The following ERCC1 variants were observed in gnomAD, a reference collection of about 807,000 sequenced individuals.
The protein encoded by ERCC1 is DNA excision repair protein ERCC-1.
In ERCC1, 36 loss-of-function variants were observed where a neutral mutation model predicts 37.6. The ratio of observed to expected loss-of-function variants is 0.96; its 90% CI spans 0.73 to 1.26. ERCC1 has a LOEUF of 1.26. Ranked by LOEUF, ERCC1 falls within the 50% of genes most tolerant of loss-of-function variation. The pLI, the probability that ERCC1 is intolerant of heterozygous loss-of-function variation, is 0.00. For missense variants in ERCC1, 349 were observed against 376.5 expected (o/e 0.93, Z 0.60); for synonymous variants, 156 against 162.1 (o/e 0.96, Z 0.28).
At chr19:45,434,510 T>G (rs1400252939) in intron 1 of ERCC1, among the ~76,000 whole-genome samples, 3 of 151,928 alleles carry the variant, frequency 2.0e-5, no homozygotes, top group Non-Finnish European at 4.4e-5. Context: ...GAAAAGAGAA[T>G]CTATCTGGCA....
rs1973960447 is a variant in ERCC1, at chr19:45,414,925, T to C, written c.638A>G (p.Lys213Arg). 6.2e-7 allele frequency: 1 copy of C among 1,613,726 alleles called. No individual in the cohort carries two copies. Among genetic ancestry groups the C allele is most frequent in the African/African-American group, 1.3e-5 (1 of 74,870 alleles). The stretch of plus-strand genomic sequence containing the variant: ...GTCCGCTGGTTTCTGCTCATAGGCC[T>C]TGTAGGTCTCCAGGTACCGCCCAGC... ...EEAGRYLETYKAYEQKPADLL... is the reference protein window; with the variant it reads ...EEAGRYLETYRAYEQKPADLL... The change falls in exon 7 of 10, where the codon AAG (lysine) becomes AGG (arginine). Residue 213 changes from lysine (K) to arginine (R), a missense_variant. Transcript: ENST00000300853.
intron 1 of ERCC1, among the ~76,000 whole-genome samples, chr19:45,429,447 C>T (rs1288105830): frequency 6.6e-6 from 1 of 151,434 alleles, no homozygotes; most frequent in Non-Finnish European, 1.5e-5. Context: ...GCAAAAACAG[C>T]GAAACTCCAT....
chr19:45,407,520 G>C lies in ERCC1; in HGVS notation c.*2155C>G. The C allele has an allele frequency of 2.6e-6, 1 of 391,912 alleles. No individual in the cohort carries two copies. Among genetic ancestry groups the C allele is most frequent in the Non-Finnish European group, 4.5e-6 (1 of 221,300 alleles). 24.3% of individuals were successfully genotyped at this position (391,912 alleles called of 1,614,324 possible). On this transcript the variant is annotated 3_prime_UTR_variant, in exon 10 of 10. Coordinates refer to ENST00000300853, the MANE Select transcript of ERCC1 (RefSeq NM_001983.4). ...GGTAGGGGCTATTGGTGTTATCCAC[G>C]ACCATTAATCCTGCAACCTAAGCTT... is the stretch of plus-strand genomic sequence containing the variant.
At position 45,432,283 on chromosome 19, in the gene ERCC1, TTTATTATTATTA is replaced by T. The variant is rs35170597; in HGVS notation, c.-7-8914_-7-8903del. ...CCACGCCTGGCCAACACAAAATTAATTTATTATTATTATTATTATTATTATTATTATTAGTTA... is the reference window on the plus strand; with the variant it reads ...CCACGCCTGGCCAACACAAAATTAATTTATTATTATTATTATTATTAGTTA... On this transcript the variant is annotated intron_variant, in intron 1 of 8. Transcript: ENST00000423698. 3.6e-3 allele frequency among the ~76,000 whole-genome samples: 527 copies of T among 145,974 alleles called. 5 individuals are homozygous for T. Among genetic ancestry groups the T allele is most frequent in the African/African-American group, 0.013 (502 of 39,832 alleles).
chr19:45,422,823 C>T (rs1050026437), intron 2 of ERCC1, among the ~76,000 whole-genome samples: 2 of 152,134 alleles, frequency 1.3e-5, no homozygotes, highest in African/African-American at 4.8e-5. Flanking sequence ...GCCCTACATC[C>T]TTAGCCCACT....
At position 45,420,383 on chromosome 19, in the gene ERCC1, T is replaced by A; in HGVS notation, c.366A>T (p.Glu122Asp). Residue 122 changes from glutamate to aspartate, a missense_variant, in exon 4 of 10, where the codon GAA (glutamate) becomes GAT (aspartate). Transcript: ENST00000300853. This position sits in a 1 kb window ranked among gnomAD's most constrained non-coding sequence, Gnocchi z 4.8. ...VLKFVRNVPW[E>D]FGDVIPDYVL... is the part of the protein sequence containing the mutation. ...CATAGTCGGGAATTACGTCGCCAAA[T>A]TCCCAGGGCACATTGCGCACGAACT... 5 of 1,613,738 alleles carry A rather than the reference T, an allele frequency of 3.1e-6. No individual in the cohort carries two copies. Among genetic ancestry groups the A allele is most frequent in the Non-Finnish European group, 4.2e-6 (5 of 1,179,832 alleles).
upstream of ERCC1, among the ~76,000 whole-genome samples, chr19:45,426,015 G>A (rs1196416292): frequency 5.3e-5 from 8 of 151,390 alleles, no homozygotes; most frequent in African/African-American, 1.2e-4. Flanking sequence ...AGGCCTAGGC[G>A]GGTGGATCAC....
chr19:45,434,760 A>T (rs1194771030), intron 1 of ERCC1, among the ~76,000 whole-genome samples: 1 of 147,888 alleles, frequency 6.8e-6, no homozygotes, highest in Non-Finnish European at 1.5e-5. Context: ...CTTTTTTAAA[A>T]ATTTTTTTAT....
chr19:45,416,576 A>G, intron 6 of ERCC1: 1 of 502,444 alleles, frequency 2.0e-6, no homozygotes, highest in Admixed American at 3.4e-5. Context: ...TTGAACCCCC[A>G]AGGCAGAGCC....
chr19:45,448,328 G>A (rs1172252944), intron 1 of ERCC1, among the ~76,000 whole-genome samples: 1 of 152,170 alleles, frequency 6.6e-6, no homozygotes, highest in Non-Finnish European at 1.5e-5. Context: ...AGAGCAGACA[G>A]CTCACCCCAA....
In ERCC1 at chr19:45,421,377, C is replaced by A. The variant is rs753785698; in HGVS notation, c.122G>T (p.Arg41Leu). ...VPPGVAKPLF[R>L]STQSLPTVDT... ...CACAGTGGGAAGGCTCTGTGTAGAT[C>A]GGAATAAGGGCTTGGCCTGTGGGGA... Residue 41 changes from arginine (R) to leucine (L), a missense_variant, in exon 3 of 10, where the codon CGA becomes CTA. Transcript: ENST00000300853. 8.1e-6 allele frequency: 13 copies of A among 1,610,292 alleles called. No homozygotes were observed. Among genetic ancestry groups the A allele is most frequent in the African/African-American group, 1.3e-5 (1 of 74,430 alleles).
intron 1 of ERCC1, among the ~76,000 whole-genome samples, chr19:45,449,712 C>T (rs1485750168): frequency 1.3e-5 from 2 of 151,714 alleles, no homozygotes; most frequent in African/African-American, 4.8e-5. Context: ...CGCCTGTAAT[C>T]CCAGCACTTT....
rs1368586647 is a variant in ERCC1, at chr19:45,420,676, C to G, written c.322-249G>C. ...GGCTCCTCCCCTCCATGCCCACTGG[C>G]ACCAGGCCTTTCCTAAAGGGTCCCC... is the stretch of plus-strand genomic sequence containing the variant. On this transcript the variant is annotated intron_variant, in intron 3 of 9. Transcript: ENST00000300853. This position sits in a 1 kb window ranked among gnomAD's most constrained non-coding sequence, Gnocchi z 4.8. Among the ~76,000 whole-genome samples, 1 of 152,170 alleles carries G rather than the reference C, an allele frequency of 6.6e-6. No individual in the cohort carries two copies. Among genetic ancestry groups the G allele is most frequent in the African/African-American group, 2.4e-5 (1 of 41,442 alleles).
At chr19:45,430,392 T>G (rs901091955) in intron 1 of ERCC1, among the ~76,000 whole-genome samples, 2 of 152,148 alleles carry the variant, frequency 1.3e-5, no homozygotes, top group Non-Finnish European at 2.9e-5. Context: ...ATCCCTATGT[T>G]AGAGATGAAG....
chr19:45,413,350 T>C, intron 9 of ERCC1: 1 of 582,412 alleles, frequency 1.7e-6, no homozygotes, highest in Admixed American at 3.0e-5. Flanking sequence ...CACTGCAGCC[T>C]CAACCTCCTG....
At position 45,407,910 on chromosome 19, in the gene ERCC1, T is replaced by C. The variant is rs1973439371; in HGVS notation, c.*1765A>G. On this transcript the variant is annotated 3_prime_UTR_variant, in exon 10 of 10. Coordinates refer to ENST00000300853, the MANE Select transcript of ERCC1 (RefSeq NM_001983.4). The stretch of plus-strand genomic sequence containing the variant: ...CTCTACTAAAAATACAAAAATTGGC[T>C]GGGCGTGGTGGCAGGTGCCTGTAAT... 1 of 458,664 alleles carries C rather than the reference T, an allele frequency of 2.2e-6. No homozygotes were observed. The highest frequency in any genetic ancestry group is 2.0e-5 in the African/African-American group (1 of 50,696). 28.4% of individuals were successfully genotyped at this position (458,664 alleles called of 1,614,324 possible). A position where few individuals can be genotyped will look rare whatever the true frequency, so the allele number is the denominator to read the frequency against.
At chr19:45,428,157 C>A (rs1283696819), upstream of ERCC1, among the ~76,000 whole-genome samples, 1 of 144,868 alleles carries the variant, frequency 6.9e-6, no homozygotes. Flanking sequence ...GATCACACCT[C>A]ACTGCAGCCT....
chr19:45,442,880 C>G (rs1160264632), intron 1 of ERCC1, among the ~76,000 whole-genome samples: 1 of 151,944 alleles, frequency 6.6e-6, no homozygotes, highest in Non-Finnish European at 1.5e-5. Flanking sequence ...CACAGCACCC[C>G]AGAGGTATGT....
At chr19:45,415,628 T>C (rs1167744128) in intron 6 of ERCC1, among the ~76,000 whole-genome samples, 3 of 98,820 alleles carry the variant, frequency 3.0e-5, no homozygotes, top group South Asian at 3.7e-4. Context: ...AGAGCCAGAC[T>C]CCGTCTCAAA....
Sources: allele counts gnomAD v4.1 joint callset (sites outside exome capture counted in the v4.1 genomes callset), GRCh38; gene constraint gnomAD v4.1.1; non-coding constraint Gnocchi (gnomAD v3.1); transcripts MANE v1.5; gene names NCBI Gene and HGNC (gene_info 2026-07-23, HGNC 2026-07-21).